The following TBC1D32 variants were observed in gnomAD, a reference collection of about 807,000 sequenced individuals.
The protein encoded by TBC1D32 is TBC1 domain family member 32.
Under a neutral mutation model 170.3 loss-of-function variants are expected in TBC1D32, and 151 were observed. The ratio of observed to expected loss-of-function variants is 0.89; its 90% CI spans 0.78 to 1.01. TBC1D32 has a LOEUF of 1.01. TBC1D32 is among the 50% of genes least tolerant of loss of function. The pLI, the probability that TBC1D32 is intolerant of heterozygous loss-of-function variation, is 0.00. For missense variants in TBC1D32, 1,464 were observed against 1,457.1 expected (o/e 1.00, Z -0.08); for synonymous variants, 498 against 488.0 (o/e 1.02, Z -0.27).
chr6:121,131,541 T>C (rs1731784521), intron 25 of TBC1D32, 86 bp downstream of exon 25: 4 of 1,394,930 alleles, frequency 2.9e-6, no homozygotes, highest in Non-Finnish European at 3.9e-6. Context: ...TTTCTACATA[T>C]GCCAATACTA....
intron 17 of TBC1D32, among the ~76,000 whole-genome samples, chr6:121,243,562 A>G (rs961101751): frequency 2.0e-5 from 3 of 152,082 alleles, no homozygotes; most frequent in Admixed American, 6.6e-5. Context: ...AGAGATATTA[A>G]AAGTTTTAGT....
chr6:121,238,032 A>G (rs552996380), intron 20 of TBC1D32, among the ~76,000 whole-genome samples: 2 of 152,266 alleles, frequency 1.3e-5, no homozygotes, highest in East Asian at 3.9e-4. Flanking sequence ...CACCTATGAT[A>G]GGTAGCATCT....
At chr6:121,152,578 A>T (rs112842250) in intron 24 of TBC1D32, among the ~76,000 whole-genome samples, 2,968 of 152,250 alleles carry the variant, frequency 0.019, 37 homozygotes, top group Non-Finnish European at 0.03. Context: ...TCTCCTCGGT[A>T]ATATCCTGAA....
At chr6:121,134,926 A>AAATCTATTCAGC (rs2128220509) in intron 24 of TBC1D32, among the ~76,000 whole-genome samples, 1 of 152,044 alleles carries the variant, frequency 6.6e-6, no homozygotes, top group African/African-American at 2.4e-5. Flanking sequence ...TGAATACCAT[A>AAATCTATTCAGC]AATCTATTCA....
chr6:121,135,332 T>C (rs1781934811), intron 24 of TBC1D32, among the ~76,000 whole-genome samples: 1 of 152,088 alleles, frequency 6.6e-6, no homozygotes, highest in African/African-American at 2.4e-5. Context: ...AAAAAAAGAA[T>C]ATTAAAAAAA....
At chr6:121,101,740 C>A (rs1480105973) in intron 30 of TBC1D32, among the ~76,000 whole-genome samples, 9 of 150,238 alleles carry the variant, frequency 6.0e-5, no homozygotes, top group South Asian at 2.1e-4. Context: ...CTGGCCAGGG[C>A]ATTCAGGCAA....
intron 14 of TBC1D32, 127 bp downstream of exon 14, chr6:121,281,417 C>G: frequency 1.6e-6 from 1 of 622,624 alleles, no homozygotes; most frequent in Non-Finnish European, 2.6e-6. Flanking sequence ...TATATATCAA[C>G]ACAAAATACA....
At chr6:121,191,319 C>T (rs2128286803) in intron 22 of TBC1D32, among the ~76,000 whole-genome samples, 1 of 152,290 alleles carries the variant, frequency 6.6e-6, no homozygotes. Flanking sequence ...AATCGCAATT[C>T]CTTTTCTGTC....
intron 17 of TBC1D32, among the ~76,000 whole-genome samples, chr6:121,246,717 C>A (rs951915127): frequency 4.0e-5 from 6 of 151,434 alleles, no homozygotes; most frequent in Non-Finnish European, 8.8e-5. Context: ...AAATGAAAGA[C>A]ACACTGGGAC....
intron 15 of TBC1D32, among the ~76,000 whole-genome samples, chr6:121,272,084 C>T (rs1463842442): frequency 6.6e-6 from 1 of 152,016 alleles, no homozygotes; most frequent in Non-Finnish European, 1.5e-5. Flanking sequence ...ATCCCTTCCT[C>T]ACACCTTATA....
rs1787225281 is a variant in TBC1D32 at position 121,172,764 on chromosome 6, C to T, written c.2571-11708G>A. Among the ~76,000 whole-genome samples, 2 of 152,100 alleles carry T rather than the reference C, an allele frequency of 1.3e-5. 1 individual carries two copies. The highest frequency in any genetic ancestry group is 4.1e-4 in the South Asian group (2 of 4,828). ...TAAGAAAATATCTTCATTTTATTTC[C>T]TTTCTCCTTTATCATGTGACGTAGA... On this transcript the variant is annotated intron_variant, in intron 22 of 31. Coordinates refer to ENST00000398212, the MANE Select transcript of TBC1D32 (RefSeq NM_152730.6).
chr6:121,330,040 CTTATT>C (rs201888894), intron 1 of TBC1D32, among the ~76,000 whole-genome samples: 1,881 of 152,018 alleles, frequency 0.012, 37 homozygotes, highest in African/African-American at 0.043. Flanking sequence ...TGAATACTTT[CTTATT>C]TTATTTTATT....
At chr6:121,105,940 T>A (rs1778638775) in intron 30 of TBC1D32, 83 bp downstream of exon 30, 13 of 1,337,840 alleles carry the variant, frequency 9.7e-6, no homozygotes, top group Non-Finnish European at 1.3e-5. Flanking sequence ...TTTAAAGGTA[T>A]TTCCTTATTT....
intron 29 of TBC1D32, among the ~76,000 whole-genome samples, chr6:121,110,514 G>A (rs1331535556): frequency 6.6e-6 from 1 of 151,936 alleles, no homozygotes; most frequent in African/African-American, 2.4e-5. Flanking sequence ...GATTTCTTTT[G>A]AGGTTGATTA....
At chr6:121,271,735 A>T (rs1364970955) in intron 15 of TBC1D32, among the ~76,000 whole-genome samples, 1 of 152,162 alleles carries the variant, frequency 6.6e-6, no homozygotes, top group Non-Finnish European at 1.5e-5. Flanking sequence ...GCTACCAATG[A>T]CTTTCTTCAC....
intron 15 of TBC1D32, among the ~76,000 whole-genome samples, chr6:121,260,641 C>G (rs1563122830): frequency 6.6e-6 from 1 of 151,882 alleles, no homozygotes; most frequent in Non-Finnish European, 1.5e-5. Context: ...TGGAACTGTG[C>G]TGCCCATGGT....
At chr6:121,297,105 G>A (rs1425765411) in intron 10 of TBC1D32, among the ~76,000 whole-genome samples, 1 of 151,920 alleles carries the variant, frequency 6.6e-6, no homozygotes, top group Non-Finnish European at 1.5e-5. Flanking sequence ...GAAAGAAAAG[G>A]AATAATCTCA....
intron 21 of TBC1D32, among the ~76,000 whole-genome samples, chr6:121,210,046 A>G (rs1792849051): frequency 1.3e-5 from 2 of 152,206 alleles, no homozygotes; most frequent in Admixed American, 1.3e-4. Context: ...TTAAAGGAAA[A>G]GGGTATTTTG....
At chr6:121,145,332 G>C (rs1783286731) in intron 24 of TBC1D32, among the ~76,000 whole-genome samples, 1 of 152,130 alleles carries the variant, frequency 6.6e-6, no homozygotes, top group Admixed American at 6.6e-5. Flanking sequence ...GATGAACCTT[G>C]AGGACACTGT....
Sources: gnomAD v4.1 joint callset for allele counts (sites outside exome capture counted in the v4.1 genomes callset) on GRCh38, gnomAD v4.1.1 for gene constraint, MANE v1.5 for transcripts, NCBI Gene and HGNC (gene_info 2026-07-23, HGNC 2026-07-21) for gene names.